Variants in SYN3 observed in about 807,000 individuals in gnomAD.
The protein encoded by SYN3 is synapsin III, also known as synapsin-3.
In SYN3, 35 loss-of-function variants were observed where a neutral mutation model predicts 65.8. That is an observed-to-expected ratio of 0.53 (90% CI 0.41 to 0.70). The LOEUF is 0.70. Among genes scored for constraint, SYN3 ranks in the 30% least tolerant of loss-of-function variants. The probability of loss-of-function intolerance (pLI) is 0.00; values close to 1 mark genes in which losing one functional copy is unlikely to be tolerated. For synonymous variants in SYN3, 270 were observed against 292.9 expected (o/e 0.92, Z 0.80); for missense variants, 680 against 749.0 (o/e 0.91, Z 1.08).
At chr22:32,685,647 G>T (rs1464477750) in intron 6 of SYN3, among the ~76,000 whole-genome samples, 3 of 152,166 alleles carry the variant, frequency 2.0e-5, no homozygotes, top group Admixed American at 6.5e-5. Flanking sequence ...TGTGTAGTAG[G>T]CTAGACTATC....
intron 12 of SYN3, among the ~76,000 whole-genome samples, chr22:32,519,961 C>T (rs775718827): frequency 1.3e-5 from 2 of 152,174 alleles, no homozygotes; most frequent in Non-Finnish European, 2.9e-5. Context: ...GGCACAACAG[C>T]TCTGTGGGTT....
intron 7 of SYN3, among the ~76,000 whole-genome samples, chr22:32,557,523 A>G (rs1360544790): frequency 1.3e-5 from 2 of 152,218 alleles, no homozygotes; most frequent in African/African-American, 4.8e-5. Flanking sequence ...CACAGTTTAC[A>G]TGTATTATCT....
At chr22:32,533,614 C>T (rs576189485) in intron 10 of SYN3, among the ~76,000 whole-genome samples, 179 bp downstream of exon 10, 7 of 152,158 alleles carry the variant, frequency 4.6e-5, no homozygotes, top group African/African-American at 9.7e-5. Flanking sequence ...AGGCATGAAG[C>T]CTTTCGATGC....
chr22:32,763,932 AG>A (rs2045554269), intron 6 of SYN3, among the ~76,000 whole-genome samples: 1 of 55,962 alleles, frequency 1.8e-5, no homozygotes, highest in South Asian at 4.3e-4. Flanking sequence ...TTGGTGTAGA[AG>A]CCCCCCCCCC....
chr22:32,810,529 G>C (rs1241577973), intron 6 of SYN3, among the ~76,000 whole-genome samples: 1 of 138,092 alleles, frequency 7.2e-6, no homozygotes, highest in Non-Finnish European at 1.6e-5. Flanking sequence ...TTGGGCGGGG[G>C]GTGGGTACTG....
In SYN3 at chr22:32,640,058, G is replaced by A. The variant is rs2059873990; in HGVS notation, c.712-43322C>T. 2.6e-5 allele frequency among the ~76,000 whole-genome samples: 4 copies of A among 152,284 alleles called. No homozygotes were observed. The South Asian group carries it at 8.3e-4, about 32-fold the overall frequency. On this transcript the variant is annotated intron_variant, in intron 6 of 13. Coordinates refer to ENST00000358763, the MANE Select transcript of SYN3 (RefSeq NM_003490.4). ...CTCCACAAACACACAGGCCACTCTTGCCTATTTACCTTTGCACCTGCTTTC... is the reference window on the plus strand; with the variant it reads ...CTCCACAAACACACAGGCCACTCTTACCTATTTACCTTTGCACCTGCTTTC...
At chr22:32,572,354 C>CCTT (rs2058777706) in intron 7 of SYN3, among the ~76,000 whole-genome samples, 10 of 82,546 alleles carry the variant, frequency 1.2e-4, no homozygotes, top group South Asian at 5.1e-4. Flanking sequence ...CCTTCCTTCC[C>CCTT]TTACTTCCCT....
intron 6 of SYN3, among the ~76,000 whole-genome samples, chr22:32,771,675 T>G (rs2045775156): frequency 6.6e-6 from 1 of 152,202 alleles, no homozygotes; most frequent in South Asian, 2.1e-4. Flanking sequence ...ACTGGCCATT[T>G]CAAATACCCT....
intron 6 of SYN3, among the ~76,000 whole-genome samples, chr22:32,699,907 T>G (rs547862427): frequency 4.6e-4 from 70 of 152,264 alleles, no homozygotes; most frequent in Middle Eastern, 3.4e-3. Context: ...TTCCTCTGAA[T>G]GTAATAAATA....
rs183956318 is a variant in SYN3 at position 33,012,378 on chromosome 22, G to T, written c.-162-5554C>A. Among the ~76,000 whole-genome samples, 211 of 152,260 alleles carry T rather than the reference G, an allele frequency of 1.4e-3. 1 individual carries two copies. The highest frequency in any genetic ancestry group is 5.0e-3 in the African/African-American group (207 of 41,568). On this transcript the variant is annotated intron_variant, in intron 1 of 13. Transcript: ENST00000358763. ...GTGATTCTTGAACACAGTCTATAAGGTTTTAAACCTTTGCCGTTCATTAAG... is the reference window on the plus strand; with the variant it reads ...GTGATTCTTGAACACAGTCTATAAGTTTTTAAACCTTTGCCGTTCATTAAG...
intron 13 of SYN3, chr22:32,514,397 G>A (rs1012493077): frequency 6.6e-6 from 1 of 152,302 alleles, no homozygotes; most frequent in African/African-American, 2.4e-5. Flanking sequence ...GCCTCTTCCA[G>A]CTCTGACATT....
intron 1 of SYN3, among the ~76,000 whole-genome samples, chr22:33,014,817 T>C (rs1170875966): frequency 6.6e-6 from 1 of 152,134 alleles, no homozygotes; most frequent in Non-Finnish European, 1.5e-5. Flanking sequence ...ACAAGAGTCG[T>C]AGAAGCGGTC....
chr22:32,980,098 T>C (rs185911658), intron 3 of SYN3, among the ~76,000 whole-genome samples: 106 of 152,296 alleles, frequency 7.0e-4, no homozygotes, highest in Admixed American at 2.0e-3. Flanking sequence ...GACCTGGATA[T>C]TGATATTAAT....
intron 3 of SYN3, among the ~76,000 whole-genome samples, chr22:32,975,985 A>T (rs2052173999): frequency 6.6e-6 from 1 of 152,246 alleles, no homozygotes; most frequent in Non-Finnish European, 1.5e-5. Flanking sequence ...GTCCATTCTA[A>T]GAAATGTCCC....
intron 6 of SYN3, among the ~76,000 whole-genome samples, chr22:32,633,249 T>G (rs1183740368): frequency 6.6e-6 from 1 of 152,222 alleles, no homozygotes; most frequent in Non-Finnish European, 1.5e-5. Context: ...GTCACACCCA[T>G]CACCTCCATC....
At chr22:32,875,313 A>G (rs1424512007) in intron 4 of SYN3, among the ~76,000 whole-genome samples, 3 of 152,182 alleles carry the variant, frequency 2.0e-5, no homozygotes, top group Non-Finnish European at 4.4e-5. Flanking sequence ...TAGGAGGTTA[A>G]TAAAACACAG....
intron 4 of SYN3, among the ~76,000 whole-genome samples, chr22:32,873,036 C>T (rs2048892266): frequency 6.6e-6 from 1 of 151,130 alleles, no homozygotes; most frequent in African/African-American, 2.4e-5. Context: ...CTGCAATCTC[C>T]ACCTCCCAGG....
chr22:32,636,369 T>A (rs1157145425), intron 6 of SYN3, among the ~76,000 whole-genome samples: 3 of 140,696 alleles, frequency 2.1e-5, no homozygotes, highest in Non-Finnish European at 4.5e-5. Context: ...GCCACTGCAC[T>A]CCAGCCGGGA....
intron 3 of SYN3, among the ~76,000 whole-genome samples, chr22:32,958,254 C>T (rs2051528714): frequency 6.6e-6 from 1 of 152,166 alleles, no homozygotes; most frequent in Admixed American, 6.5e-5. Context: ...TAAACGACTC[C>T]CCCTAGACCC....
Sources: allele counts gnomAD v4.1 joint callset (sites outside exome capture counted in the v4.1 genomes callset), GRCh38; gene constraint gnomAD v4.1.1; transcripts MANE v1.5; gene names NCBI Gene and HGNC (gene_info 2026-07-23, HGNC 2026-07-21).